Variants in SLC2A13 observed in about 807,000 individuals in gnomAD.
SLC2A13 encodes the protein proton myo-inositol cotransporter.
A neutral mutation model predicts 64.4 loss-of-function variants in SLC2A13; 32 were observed. That is an observed-to-expected ratio of 0.50 (90% CI 0.37 to 0.67). The LOEUF (loss-of-function observed/expected upper bound fraction) is 0.67. Among genes scored for constraint, SLC2A13 ranks in the 30% least tolerant of loss-of-function variants. The pLI is 0.00. For synonymous variants in SLC2A13, 338 were observed against 327.1 expected (o/e 1.03, Z -0.36); for missense variants, 743 against 829.2 (o/e 0.90, Z 1.28).
At chr12:39,935,249 T>A (rs914944415) in intron 4 of SLC2A13, among the ~76,000 whole-genome samples, 1 of 152,084 alleles carries the variant, frequency 6.6e-6, no homozygotes, top group Non-Finnish European at 1.5e-5. Context: ...AATAAATAAA[T>A]AAATAAAATT....
At chr12:40,040,949 A>AATT (rs149372430) in intron 2 of SLC2A13, among the ~76,000 whole-genome samples, 14,728 of 151,084 alleles carry the variant, frequency 0.097, 864 homozygotes, top group East Asian at 0.19. Flanking sequence ...TGGATTTTAA[A>AATT]ATTATTATTA....
chr12:39,916,795 T>C (rs1945527926), intron 4 of SLC2A13, among the ~76,000 whole-genome samples: 1 of 144,918 alleles, frequency 6.9e-6, no homozygotes, highest in Admixed American at 7.1e-5. Context: ...AAGTCGGTAG[T>C]CATTGTCTTG....
rs183311886 is a variant in SLC2A13, at chr12:39,787,020, G to A, written c.1446-22162C>T. ...TAAAAAAATAATAAATAGCATTGAA[G>A]TTCTGTAATGTAGTAAAACAAGGCA... is the stretch of plus-strand genomic sequence containing the variant. On this transcript the variant is annotated intron_variant, in intron 7 of 9. Coordinates refer to ENST00000280871, the MANE Select transcript of SLC2A13 (RefSeq NM_052885.4). 7.1e-3 allele frequency among the ~76,000 whole-genome samples: 1,074 copies of A among 152,024 alleles called. 16 individuals are homozygous for A. Among genetic ancestry groups the A allele is most frequent in the African/African-American group, 0.024 (1,009 of 41,428 alleles).
intron 1 of SLC2A13, among the ~76,000 whole-genome samples, chr12:40,102,805 TA>T (rs574622130): frequency 6.6e-6 from 1 of 152,052 alleles, no homozygotes; most frequent in African/African-American, 2.4e-5. Context: ...CCTTGTAGCT[TA>T]AAAAAAAGTG....
intron 1 of SLC2A13, among the ~76,000 whole-genome samples, chr12:40,051,601 G>A (rs1464891511): frequency 6.6e-6 from 1 of 152,142 alleles, no homozygotes; most frequent in Non-Finnish European, 1.5e-5. Flanking sequence ...AGTCAGAGGG[G>A]CCTTGGATAG....
intron 2 of SLC2A13, among the ~76,000 whole-genome samples, chr12:40,040,174 T>C (rs1948060859): frequency 6.6e-6 from 1 of 152,212 alleles, no homozygotes; most frequent in Non-Finnish European, 1.5e-5. Flanking sequence ...CAATACCTAA[T>C]AGCACTGAAG....
chr12:39,925,940 A>G (rs1445436238), intron 4 of SLC2A13, among the ~76,000 whole-genome samples: 1 of 152,194 alleles, frequency 6.6e-6, no homozygotes, highest in Non-Finnish European at 1.5e-5. Context: ...TAATTTTTTA[A>G]ATAGCCTTAA....
Position 39,758,847 on chromosome 12 carries a change from C to T in SLC2A13, c.*1179G>A, listed in dbSNP as rs992085535. The T allele has an allele frequency of 4.6e-5, 7 of 150,584 alleles. No individual in the cohort carries two copies. The highest frequency in any genetic ancestry group is 4.0e-4 in the Admixed American group (6 of 15,044). The allele number at this position is 150,584 out of a possible 1,614,324, so 9.3% of individuals were successfully genotyped here. On this transcript the variant is annotated 3_prime_UTR_variant, in exon 10 of 10. Transcript: ENST00000280871. ...ATGAGAAAAGTGTGCAAAATAAAAA[C>T]GAGTTTATGCTCTTAAAGTAAAAAA... is the stretch of plus-strand genomic sequence containing the variant.
chr12:40,049,638 T>C (rs1948223180), intron 1 of SLC2A13, among the ~76,000 whole-genome samples: 1 of 152,136 alleles, frequency 6.6e-6, no homozygotes, highest in Non-Finnish European at 1.5e-5. Flanking sequence ...AGGTATTATT[T>C]TGTGACCCAA....
chr12:39,784,561 T>C (rs1186195069), intron 7 of SLC2A13, among the ~76,000 whole-genome samples: 7 of 152,148 alleles, frequency 4.6e-5, no homozygotes, highest in Non-Finnish European at 1.0e-4. Context: ...TTACACCTTA[T>C]ACAAACATTA....
intron 1 of SLC2A13, among the ~76,000 whole-genome samples, chr12:40,089,407 T>C (rs958202288): frequency 3.3e-5 from 5 of 152,196 alleles, no homozygotes; most frequent in Admixed American, 6.5e-5. Flanking sequence ...CTTTAGTAAT[T>C]TGCAATCTTG....
intron 4 of SLC2A13, among the ~76,000 whole-genome samples, chr12:39,919,660 T>C (rs954333631): frequency 1.3e-5 from 2 of 152,070 alleles, no homozygotes; most frequent in African/African-American, 4.8e-5. Context: ...TTCAAAGGGC[T>C]TGGATGGAAA....
At chr12:39,804,089 G>A (rs1278451458) in intron 7 of SLC2A13, among the ~76,000 whole-genome samples, 5 of 152,024 alleles carry the variant, frequency 3.3e-5, no homozygotes, top group Non-Finnish European at 5.9e-5. Flanking sequence ...GTAAACACAC[G>A]TGACTTGATG....
intron 3 of SLC2A13, among the ~76,000 whole-genome samples, chr12:40,013,582 T>C (rs1356218641): frequency 2.0e-5 from 3 of 152,196 alleles, no homozygotes; most frequent in Non-Finnish European, 4.4e-5. Flanking sequence ...CTCAAATCTG[T>C]CTTTCTGAAA....
At chr12:40,016,151 T>C (rs1322254220) in intron 3 of SLC2A13, among the ~76,000 whole-genome samples, 1 of 152,040 alleles carries the variant, frequency 6.6e-6, no homozygotes, top group African/African-American at 2.4e-5. Context: ...CATGATTCCA[T>C]GTAAGAATAA....
At chr12:39,896,249 CATGTATGTATATGT>C (rs1944846934) in intron 4 of SLC2A13, among the ~76,000 whole-genome samples, 4 of 92,514 alleles carry the variant, frequency 4.3e-5, no homozygotes, top group Non-Finnish European at 7.2e-5. Flanking sequence ...TATATGTATA[CATGTATGTATATGT>C]GTGTATATAT....
chr12:40,074,052 A>T (rs1172807063), intron 1 of SLC2A13, among the ~76,000 whole-genome samples: 1 of 150,510 alleles, frequency 6.6e-6, no homozygotes, highest in East Asian at 1.9e-4. Flanking sequence ...TGGTTTGTTT[A>T]CTCCAGTATT....
At chr12:40,009,734 G>A (rs1280593755) in intron 3 of SLC2A13, among the ~76,000 whole-genome samples, 2 of 152,162 alleles carry the variant, frequency 1.3e-5, no homozygotes, top group Admixed American at 6.5e-5. Context: ...CATGCCTGGC[G>A]ACAGTTTCTT....
At chr12:39,870,303 C>T (rs1944012021) in intron 5 of SLC2A13, among the ~76,000 whole-genome samples, 2 of 152,118 alleles carry the variant, frequency 1.3e-5, no homozygotes, top group Admixed American at 6.6e-5. Flanking sequence ...TCTTAGCATT[C>T]ATCTGAAAAT....
Sources: gnomAD v4.1 joint callset for allele counts (sites outside exome capture counted in the v4.1 genomes callset) on GRCh38, gnomAD v4.1.1 for gene constraint, MANE v1.5 for transcripts, NCBI Gene and HGNC (gene_info 2026-07-23, HGNC 2026-07-21) for gene names.